PRKAG2: variants seen among roughly 807,000 people sequenced by gnomAD.
PRKAG2 encodes protein kinase AMP-activated non-catalytic subunit gamma 2, also known as 5'-AMP-activated protein kinase subunit gamma-2.
In PRKAG2, 26 loss-of-function variants were observed where a neutral mutation model predicts 69.6. The ratio of observed to expected loss-of-function variants is 0.37; its 90% CI spans 0.27 to 0.52. The LOEUF (loss-of-function observed/expected upper bound fraction) is 0.52, where lower values mean the gene tolerates loss of function less well. PRKAG2 is among the 20% of genes least tolerant of loss of function. PRKAG2 has a pLI of 0.90. For synonymous variants in PRKAG2, 293 were observed against 285.0 expected, an observed-to-expected ratio of 1.03 and a Z score of -0.28; for missense variants, 557 against 740.0, an observed-to-expected ratio of 0.75 and a Z score of 2.87.
At chr7:151,758,487 G>C (rs1337514528) in intron 3 of PRKAG2, among the ~76,000 whole-genome samples, 3 of 152,204 alleles carry the variant, frequency 2.0e-5, no homozygotes, top group Non-Finnish European at 4.4e-5. Flanking sequence ...TGCCAGAACT[G>C]TTTCCATCTG....
chr7:151,660,082 C>T (rs575397750), intron 4 of PRKAG2, among the ~76,000 whole-genome samples: 96 of 152,326 alleles, frequency 6.3e-4, no homozygotes, highest in African/African-American at 2.2e-3. Flanking sequence ...TTCCACAATT[C>T]ATTCCTACAT....
At chr7:151,674,381 G>A (rs1429300648) in intron 4 of PRKAG2, among the ~76,000 whole-genome samples, 1 of 152,202 alleles carries the variant, frequency 6.6e-6, no homozygotes, top group African/African-American at 2.4e-5. Context: ...CCAGTGTGTG[G>A]CACTATGTCA....
chr7:151,680,078 C>A (rs1304748118), intron 3 of PRKAG2, among the ~76,000 whole-genome samples: 3 of 152,060 alleles, frequency 2.0e-5, no homozygotes, highest in Non-Finnish European at 4.4e-5. Flanking sequence ...CAAAATGAGC[C>A]CAAACTGCAC....
Position 151,875,565 on chromosome 7 carries a change from GTGTGTGTGTGTGTGT to G in PRKAG2, c.114+927_114+941del, listed in dbSNP as rs2080371522. Among the ~76,000 whole-genome samples, 70 of 41,458 alleles carry G rather than the reference GTGTGTGTGTGTGTGT, an allele frequency of 1.7e-3. 1 individual carries two copies. Among genetic ancestry groups the G allele is most frequent in the African/African-American group, 6.2e-3 (63 of 10,242 alleles). The allele number at this position is 41,458 out of a possible 152,430, so 27.2% of individuals were successfully genotyped here. A position where few individuals can be genotyped will look rare whatever the true frequency, so the allele number is the denominator to read the frequency against. On this transcript the variant is annotated intron_variant, in intron 1 of 15. Transcript: ENST00000287878. ...AACTTTCTCTACGGAGCACTCTGGT[GTGTGTGTGTGTGTGT>G]GTGTGTGTGTGTGTGTGTGTGTGTG...
chr7:151,635,508 A>T (rs7807997), intron 4 of PRKAG2, among the ~76,000 whole-genome samples: 21,923 of 152,218 alleles, frequency 0.14, 1,941 homozygotes, highest in African/African-American at 0.23. Context: ...ACTCAGCAAG[A>T]AAAAGGAAGG....
At chr7:151,742,449 C>T (rs1489454388) in intron 3 of PRKAG2, among the ~76,000 whole-genome samples, 2 of 152,092 alleles carry the variant, frequency 1.3e-5, no homozygotes, top group South Asian at 2.1e-4. Flanking sequence ...CATGGTGAAA[C>T]CCCGTCTCTA....
At chr7:151,701,031 C>A (rs1275902174) in intron 3 of PRKAG2, among the ~76,000 whole-genome samples, 1 of 152,196 alleles carries the variant, frequency 6.6e-6, no homozygotes, top group Non-Finnish European at 1.5e-5. Context: ...ACACGAGCAC[C>A]CAGCAGACGC....
At chr7:151,843,513 CTGAT>C (rs1452237881) in intron 1 of PRKAG2, among the ~76,000 whole-genome samples, 1 of 152,206 alleles carries the variant, frequency 6.6e-6, no homozygotes, top group African/African-American at 2.4e-5. Context: ...AAAAAACTCA[CTGAT>C]TTATGGAGTA....
At position 151,604,617 on chromosome 7, in the gene PRKAG2, G is replaced by A. The variant is rs538549877; in HGVS notation, c.755-9163C>T. Among the ~76,000 whole-genome samples the A allele has an allele frequency of 4.9e-4, 75 of 152,210 alleles. No individual in the cohort carries two copies. In the South Asian group the frequency reaches 6.4e-3, roughly 13 times the overall value. On this transcript the variant is annotated intron_variant, in intron 5 of 15. Coordinates refer to ENST00000287878, the MANE Select transcript of PRKAG2 (RefSeq NM_016203.4). ...TGTGCTACTGCCCTCCAGCCTGGGT[G>A]ACAGAGCAAGACTCTGTCACACACA...
intron 1 of PRKAG2, among the ~76,000 whole-genome samples, chr7:151,871,271 A>G (rs567936248): frequency 6.6e-6 from 1 of 152,362 alleles, no homozygotes; most frequent in East Asian, 1.9e-4. Context: ...CTACGCTTCC[A>G]GTGAGTTACT....
chr7:151,709,350 T>G (rs1015308951), intron 3 of PRKAG2, among the ~76,000 whole-genome samples: 1 of 151,804 alleles, frequency 6.6e-6, no homozygotes, highest in African/African-American at 2.4e-5. Context: ...GACAATGATA[T>G]GCAATGTGTG....
chr7:151,765,414 C>G (rs550807453), intron 3 of PRKAG2, among the ~76,000 whole-genome samples: 1 of 152,324 alleles, frequency 6.6e-6, no homozygotes, highest in East Asian at 1.9e-4. Flanking sequence ...CCAGGCCCCT[C>G]CTCCAACATG....
intron 4 of PRKAG2, among the ~76,000 whole-genome samples, chr7:151,649,920 C>T (rs1312702261): frequency 1.3e-5 from 2 of 152,038 alleles, no homozygotes; most frequent in African/African-American, 4.8e-5. Context: ...TCATACAGTG[C>T]TTTTTAAAGG....
At chr7:151,727,415 C>T (rs1798166775) in intron 3 of PRKAG2, among the ~76,000 whole-genome samples, 1 of 152,094 alleles carries the variant, frequency 6.6e-6, no homozygotes, top group Non-Finnish European at 1.5e-5. Context: ...CACCAGCAGC[C>T]ACGGGAGCCC....
At chr7:151,577,890 G>A (rs940394632) in intron 6 of PRKAG2, among the ~76,000 whole-genome samples, 1 of 151,198 alleles carries the variant, frequency 6.6e-6, no homozygotes, top group Non-Finnish European at 1.5e-5. Flanking sequence ...TGTTTAAATG[G>A]AAACAATGAG....
chr7:151,682,632 G>C (rs1020451889), intron 3 of PRKAG2, among the ~76,000 whole-genome samples: 6 of 152,298 alleles, frequency 3.9e-5, no homozygotes, highest in African/African-American at 1.4e-4. Flanking sequence ...ATAGTTCCTG[G>C]ACAGCTTCCA....
At chr7:151,776,577 G>A (rs773268821) in intron 3 of PRKAG2, among the ~76,000 whole-genome samples, 25 of 152,188 alleles carry the variant, frequency 1.6e-4, no homozygotes, top group South Asian at 2.1e-4. Flanking sequence ...CCCAGGCCCC[G>A]GGTACACACG....
chr7:151,686,947 AC>A (rs1449696109), intron 3 of PRKAG2, among the ~76,000 whole-genome samples: 1 of 152,148 alleles, frequency 6.6e-6, no homozygotes, highest in Non-Finnish European at 1.5e-5. Context: ...TAAAAAAAAA[AC>A]TTTCAGGAAT....
chr7:151,613,489 A>C (rs918752683), intron 5 of PRKAG2, among the ~76,000 whole-genome samples: 1 of 152,068 alleles, frequency 6.6e-6, no homozygotes. Flanking sequence ...AGTCCCGAGC[A>C]TTTTGGTTTT....
Sources: gnomAD v4.1 joint callset for allele counts (sites outside exome capture counted in the v4.1 genomes callset) on GRCh38, gnomAD v4.1.1 for gene constraint, MANE v1.5 for transcripts, NCBI Gene and HGNC (gene_info 2026-07-23, HGNC 2026-07-21) for gene names.